NAV1: variants seen among roughly 807,000 people sequenced by gnomAD.
The protein encoded by NAV1 is neuron navigator 1, also known as pore membrane and/or filament interacting like protein 3.
Under a neutral mutation model 175.2 loss-of-function variants are expected in NAV1, and 18 were observed. The ratio of observed to expected loss-of-function variants is 0.10; its 90% CI spans 0.07 to 0.15. The LOEUF (loss-of-function observed/expected upper bound fraction) is 0.15. NAV1 is among the 10% of genes least tolerant of loss of function. The pLI, the probability that NAV1 is intolerant of heterozygous loss-of-function variation, is 1.00. For synonymous variants in NAV1, 897 were observed against 978.7 expected (o/e 0.92, Z 1.56); for missense variants, 1,731 against 2,436.6 (o/e 0.71, Z 6.10).
chr1:201,700,789 A>T (rs144021384), intron 1 of NAV1, among the ~76,000 whole-genome samples: 288 of 152,200 alleles, frequency 1.9e-3, no homozygotes, highest in African/African-American at 6.6e-3. Flanking sequence ...AGGCGGGTGG[A>T]TCACGAGGTC....
At chr1:201,664,338 C>G (rs1669731618) in intron 1 of NAV1, among the ~76,000 whole-genome samples, 1 of 152,156 alleles carries the variant, frequency 6.6e-6, no homozygotes, top group African/African-American at 2.4e-5. Flanking sequence ...GAGACCATGT[C>G]TCAAAACAAA....
intron 1 of NAV1, among the ~76,000 whole-genome samples, chr1:201,577,818 T>C (rs1196777317): frequency 6.6e-6 from 1 of 152,188 alleles, no homozygotes; most frequent in Non-Finnish European, 1.5e-5. Flanking sequence ...TTGAAAAATA[T>C]TGTGCCACTT....
chr1:201,677,168 C>T (rs1670282425), intron 1 of NAV1, among the ~76,000 whole-genome samples: 1 of 147,670 alleles, frequency 6.8e-6, no homozygotes, highest in East Asian at 2.0e-4. Flanking sequence ...AGAAGAATCG[C>T]TTGAACTTGG....
At chr1:201,776,694 G>A (rs557860416) in intron 3 of NAV1, among the ~76,000 whole-genome samples, 12 of 149,718 alleles carry the variant, frequency 8.0e-5, no homozygotes, top group African/African-American at 2.7e-4. Context: ...AAATAAGAGA[G>A]AAATGTAGAA....
exon 30 of NAV1, chr1:201,820,187 G>A (rs1679305096): frequency 5.2e-6 from 2 of 387,558 alleles, no homozygotes; most frequent in Non-Finnish European, 9.3e-6. Flanking sequence ...AATGACTTTG[G>A]GGAAAAGATG....
chr1:201,621,476 G>C (rs553887436), upstream of NAV1, among the ~76,000 whole-genome samples: 2 of 151,654 alleles, frequency 1.3e-5, no homozygotes, highest in Non-Finnish European at 2.9e-5. Flanking sequence ...TGGGATTACA[G>C]GCGTGCCACC....
intron 3 of NAV1, among the ~76,000 whole-genome samples, chr1:201,736,708 G>A (rs1227417010): frequency 6.6e-6 from 1 of 152,168 alleles, no homozygotes; most frequent in Non-Finnish European, 1.5e-5. Context: ...AAGAGCTGCT[G>A]TGAGAGTGCT....
At chr1:201,734,129 C>T (rs952319983) in intron 3 of NAV1, among the ~76,000 whole-genome samples, 1 of 152,052 alleles carries the variant, frequency 6.6e-6, no homozygotes, top group Non-Finnish European at 1.5e-5. Flanking sequence ...TAACATTGGC[C>T]AGGTGTGATG....
At chr1:201,654,356 G>A (rs1433550023) in intron 1 of NAV1, among the ~76,000 whole-genome samples, 1 of 151,828 alleles carries the variant, frequency 6.6e-6, no homozygotes, top group African/African-American at 2.4e-5. Flanking sequence ...CACTTTCTCT[G>A]CCCAATTTGA....
chr1:201,696,590 TC>T (rs1169403469), intron 1 of NAV1, among the ~76,000 whole-genome samples: 2 of 152,216 alleles, frequency 1.3e-5, no homozygotes, highest in Non-Finnish European at 2.9e-5. Flanking sequence ...TTCTGGCAGT[TC>T]TGTATCTCAT....
In NAV1 at chr1:201,810,177, T is replaced by C; in HGVS notation, c.4561+72T>C. 4 of 1,561,590 alleles carry C rather than the reference T, an allele frequency of 2.6e-6. No homozygotes were observed. The highest frequency in any genetic ancestry group is 1.8e-5 in the Admixed American group (1 of 56,698). On this transcript the variant is annotated intron_variant, in intron 23 of 29. Coordinates refer to ENST00000367296, the Ensembl canonical transcript of NAV1. The surrounding 1 kb of genome is among the most constrained non-coding windows in gnomAD (Gnocchi z 6.0). ...GACAGGATCATCAAATAATCCATCA[T>C]GCATTCATTCACCAAGAACTCACTG...
chr1:201,744,972 G>C (rs571754804), intron 3 of NAV1, among the ~76,000 whole-genome samples: 1 of 152,290 alleles, frequency 6.6e-6, no homozygotes, highest in African/African-American at 2.4e-5. Flanking sequence ...TCTGGACCTG[G>C]GTGTCAGTGT....
In NAV1 at chr1:201,782,149, CTT is replaced by C. The variant is rs771852913; in HGVS notation, c.1664-24_1664-23del. ...TTTAAGATACTGGTCAGTTTCAGCTCTTTTCTCATTTCCCGTCCTCTTGCAGG... is the reference window on the plus strand; with the variant it reads ...TTTAAGATACTGGTCAGTTTCAGCTCTTCTCATTTCCCGTCCTCTTGCAGG... On this transcript the variant is annotated intron_variant, in intron 5 of 29. Transcript: ENST00000367296. This position sits in a 1 kb window ranked among gnomAD's most constrained non-coding sequence, Gnocchi z 5.4. 6.5e-6 allele frequency: 10 copies of C among 1,545,810 alleles called. No homozygotes were observed. The highest frequency in any genetic ancestry group is 8.7e-6 in the Non-Finnish European group (10 of 1,148,394).
At chr1:201,695,056 G>A (rs796654074) in intron 1 of NAV1, among the ~76,000 whole-genome samples, 17 of 152,318 alleles carry the variant, frequency 1.1e-4, no homozygotes, top group African/African-American at 2.9e-4. Flanking sequence ...TGCTCATGTC[G>A]CTTGTCCACT....
rs979454887 is a variant in NAV1 at position 201,787,733 on chromosome 1, C to A, written c.2996-735C>A. 6.6e-6 allele frequency: 3 copies of A among 456,058 alleles called. No homozygotes were observed. Among genetic ancestry groups the A allele is most frequent in the Non-Finnish European group, 1.3e-5 (3 of 226,862 alleles). The allele number at this position is 456,058 out of a possible 1,614,324, so 28.3% of individuals were successfully genotyped here. On this transcript the variant is annotated intron_variant, in intron 9 of 29. Coordinates refer to ENST00000367296, the Ensembl canonical transcript of NAV1. The surrounding 1 kb of genome is among the most constrained non-coding windows in gnomAD (Gnocchi z 4.3). ...AAGGGAGCTCCTTGTGGGTATGAAACCCTGAAAGGCTGTAATCCCAGCAAT... is the reference window on the plus strand; with the variant it reads ...AAGGGAGCTCCTTGTGGGTATGAAAACCTGAAAGGCTGTAATCCCAGCAAT...
At chr1:201,540,624 A>G (rs571216475) in intron 1 of NAV1, among the ~76,000 whole-genome samples, 2 of 152,236 alleles carry the variant, frequency 1.3e-5, no homozygotes, top group South Asian at 2.1e-4. Context: ...TGCTTATGAC[A>G]TTTTTTTAAA....
chr1:201,771,255 A>AAAC (rs1675565616), intron 3 of NAV1, among the ~76,000 whole-genome samples: 1 of 150,940 alleles, frequency 6.6e-6, no homozygotes, highest in Admixed American at 6.6e-5. Context: ...AAAAAAAAAA[A>AAAC]CATCTGGTGA....
rs370233418 is a variant in NAV1 at position 201,783,394 on chromosome 1, A to C, written c.2358-12A>C. ...TCTATTATTCTAAATATTTCGTTTG[A>C]TCTTCTCTCAGGGCCACAGCGAAGA... On this transcript the variant is annotated splice_polypyrimidine_tract_variant and intron_variant, in intron 6 of 29. Coordinates refer to ENST00000367296, the Ensembl canonical transcript of NAV1. 3.7e-6 allele frequency: 6 copies of C among 1,610,184 alleles called. No homozygotes were observed. The highest frequency in any genetic ancestry group is 4.2e-6 in the Non-Finnish European group (5 of 1,177,484).
chr1:201,562,343 G>A (rs1215854101), intron 1 of NAV1, among the ~76,000 whole-genome samples: 1 of 152,162 alleles, frequency 6.6e-6, no homozygotes, highest in African/African-American at 2.4e-5. Context: ...CTAAGGTCAA[G>A]TATGCCCCCC....
Sources: gnomAD v4.1 joint callset for allele counts (sites outside exome capture counted in the v4.1 genomes callset) on GRCh38, gnomAD v4.1.1 for gene constraint, Gnocchi (gnomAD v3.1) non-coding constraint, MANE v1.5 for transcripts, NCBI Gene and HGNC (gene_info 2026-07-23, HGNC 2026-07-21) for gene names.